Variants in ZBTB7C observed in about 807,000 individuals in gnomAD.
ZBTB7C encodes zinc finger and BTB domain-containing protein 7C.
ZBTB7C carries 8 observed loss-of-function variants against 25.7 expected under a neutral mutation model. The ratio of observed to expected loss-of-function variants is 0.31; its 90% CI spans 0.18 to 0.56. ZBTB7C has a LOEUF of 0.56. ZBTB7C is among the 20% of genes least tolerant of loss of function. The probability of loss-of-function intolerance (pLI) is 0.91; values close to 1 mark genes in which losing one functional copy is unlikely to be tolerated. For missense variants in ZBTB7C, 824 were observed against 855.2 expected, an observed-to-expected ratio of 0.96 and a Z score of 0.46; for synonymous variants, 394 against 369.0, an observed-to-expected ratio of 1.07 and a Z score of -0.78.
At chr18:48,333,234 C>T (rs1267837228) in intron 2 of ZBTB7C, among the ~76,000 whole-genome samples, 1 of 152,144 alleles carries the variant, frequency 6.6e-6, no homozygotes, top group Non-Finnish European at 1.5e-5. Context: ...TCTTCCTCTC[C>T]CTGCTGCAAA....
chr18:48,382,051 A>G (rs368769890), intron 1 of ZBTB7C, among the ~76,000 whole-genome samples: 1 of 152,256 alleles, frequency 6.6e-6, no homozygotes, highest in South Asian at 2.1e-4. Context: ...ATTGGAAACA[A>G]TAATACAATT....
chr18:48,165,570 G>A (rs1360053013), intron 3 of ZBTB7C: 1 of 166,308 alleles, frequency 6.0e-6, no homozygotes, highest in Non-Finnish European at 1.3e-5. Context: ...GTTGTGCAAT[G>A]AGCTTTCAAA....
At chr18:48,238,920 G>A (rs1469360388) in intron 2 of ZBTB7C, among the ~76,000 whole-genome samples, 2 of 152,130 alleles carry the variant, frequency 1.3e-5, no homozygotes, top group African/African-American at 4.8e-5. Flanking sequence ...CCACTCACCG[G>A]CTGCCTGGAT....
chr18:48,144,533 A>T (rs1355402054), intron 3 of ZBTB7C, among the ~76,000 whole-genome samples: 1 of 151,900 alleles, frequency 6.6e-6, no homozygotes, highest in Non-Finnish European at 1.5e-5. Flanking sequence ...TTTGGTAGAG[A>T]CAGGGTTTTG....
At chr18:48,144,052 C>T (rs764350694) in intron 3 of ZBTB7C, among the ~76,000 whole-genome samples, 5 of 152,082 alleles carry the variant, frequency 3.3e-5, no homozygotes, top group Admixed American at 6.5e-5. Context: ...CCGAGGTGGG[C>T]GGATCACTTC....
intron 2 of ZBTB7C, among the ~76,000 whole-genome samples, chr18:48,250,767 C>A (rs1009844826): frequency 2.7e-5 from 4 of 148,812 alleles, no homozygotes; most frequent in African/African-American, 1.0e-4. Context: ...ATCTAATGAT[C>A]TTGAAACAAT....
chr18:48,176,616 CGTGT>C (rs10533963), intron 3 of ZBTB7C, among the ~76,000 whole-genome samples: 46 of 149,698 alleles, frequency 3.1e-4, no homozygotes, highest in Admixed American at 8.0e-4. Context: ...AGGAAATACA[CGTGT>C]GTGTGTGTGT....
At chr18:48,286,770 G>C (rs2045067099) in intron 2 of ZBTB7C, among the ~76,000 whole-genome samples, 1 of 152,070 alleles carries the variant, frequency 6.6e-6, no homozygotes, top group South Asian at 2.1e-4. Context: ...GACCAGAAGA[G>C]GCCAGGCACG....
chr18:48,291,682 T>C (rs1448859179), intron 2 of ZBTB7C, among the ~76,000 whole-genome samples: 1 of 152,224 alleles, frequency 6.6e-6, no homozygotes, highest in Non-Finnish European at 1.5e-5. Context: ...TGCACCAATC[T>C]ATAGCCACAG....
At chr18:48,091,702 T>C (rs565212341) in intron 3 of ZBTB7C, among the ~76,000 whole-genome samples, 16 of 152,266 alleles carry the variant, frequency 1.1e-4, no homozygotes, top group African/African-American at 3.8e-4. Flanking sequence ...AGGCAGAGTC[T>C]AGCAGGCCAG....
At chr18:48,312,817 T>C (rs2045854079) in intron 2 of ZBTB7C, among the ~76,000 whole-genome samples, 1 of 152,204 alleles carries the variant, frequency 6.6e-6, no homozygotes, top group Admixed American at 6.5e-5. Context: ...GAATGCCTAC[T>C]GTGTGTGAGC....
At chr18:48,345,462 G>A (rs2046705603) in intron 1 of ZBTB7C, among the ~76,000 whole-genome samples, 2 of 152,160 alleles carry the variant, frequency 1.3e-5, no homozygotes, top group South Asian at 4.1e-4. Context: ...TAGGAATTGG[G>A]CATGTTCACC....
intron 2 of ZBTB7C, among the ~76,000 whole-genome samples, chr18:48,260,250 T>G (rs2044133306): frequency 6.6e-6 from 1 of 152,184 alleles, no homozygotes; most frequent in Non-Finnish European, 1.5e-5. Context: ...AAAGATTACA[T>G]GCTGTGTGAG....
chr18:48,375,775 G>A (rs1220060684), intron 1 of ZBTB7C: 28 of 152,220 alleles, frequency 1.8e-4, no homozygotes, highest in Non-Finnish European at 1.5e-5. Flanking sequence ...CCTGCTATGA[G>A]ATTTGCATGG....
chr18:48,184,330 A>C (rs2042001647), intron 3 of ZBTB7C, among the ~76,000 whole-genome samples: 1 of 152,182 alleles, frequency 6.6e-6, no homozygotes, highest in South Asian at 2.1e-4. Flanking sequence ...CCTGTTGCAT[A>C]ATCTGAGCAA....
At chr18:48,301,518 G>T (rs566038879) in intron 2 of ZBTB7C, among the ~76,000 whole-genome samples, 1 of 152,138 alleles carries the variant, frequency 6.6e-6, no homozygotes, top group East Asian at 1.9e-4. Context: ...TCAGCAGGGG[G>T]CTGAGGGAGG....
intron 3 of ZBTB7C, among the ~76,000 whole-genome samples, chr18:48,057,907 G>A (rs1280839331): frequency 6.6e-6 from 1 of 152,182 alleles, no homozygotes; most frequent in Admixed American, 6.5e-5. Flanking sequence ...CATTAGAGGT[G>A]GCCCATGTTC....
intron 3 of ZBTB7C, among the ~76,000 whole-genome samples, chr18:48,157,552 G>T (rs2040875204): frequency 6.6e-6 from 1 of 152,174 alleles, no homozygotes; most frequent in Non-Finnish European, 1.5e-5. Context: ...CAGAGACCCA[G>T]TTGGTTATAT....
intron 2 of ZBTB7C, among the ~76,000 whole-genome samples, chr18:48,285,297 T>C (rs1449057019): frequency 6.6e-6 from 1 of 152,234 alleles, no homozygotes; most frequent in Non-Finnish European, 1.5e-5. Context: ...AATTTCTGCT[T>C]CCCTTATTTT....
Sources: allele counts gnomAD v4.1 joint callset (sites outside exome capture counted in the v4.1 genomes callset), GRCh38; gene constraint gnomAD v4.1.1; transcripts MANE v1.5; gene names NCBI Gene and HGNC (gene_info 2026-07-23, HGNC 2026-07-21).